Variants in AGO2 observed in about 807,000 individuals in gnomAD.
The protein encoded by AGO2 is argonaute RISC catalytic component 2, also known as protein argonaute-2.
AGO2 carries 5 observed loss-of-function variants against 102.3 expected under a neutral mutation model. The ratio of observed to expected loss-of-function variants is 0.05; its 90% confidence interval spans 0.03 to 0.10. The LOEUF is 0.10. Among genes scored for constraint, AGO2 ranks in the 10% least tolerant of loss-of-function variants. AGO2 has a pLI of 1.00. For synonymous variants in AGO2, 449 were observed against 473.1 expected (o/e 0.95, Z 0.66); for missense variants, 541 against 1,183.7 (o/e 0.46, Z 7.97).
At chr8:140,601,296 A>G (rs1221874701) in intron 1 of AGO2, among the ~76,000 whole-genome samples, 1 of 152,060 alleles carries the variant, frequency 6.6e-6, no homozygotes, top group Non-Finnish European at 1.5e-5. Flanking sequence ...TCTTTGTTCA[A>G]TGTCACCTCC....
upstream of AGO2, among the ~76,000 whole-genome samples, chr8:140,638,771 C>G (rs1433599359): frequency 1.3e-5 from 2 of 152,126 alleles, no homozygotes; most frequent in African/African-American, 4.8e-5. Context: ...AGACAGGTCT[C>G]ACTGTGTTGC....
rs1200113457 is a variant in AGO2 at position 140,525,440 on chromosome 8, C to CA, written c.*6603dup. ...AGGCAGTGGGACACCCACGGGGGCC[C>CA]AAGCCTCTTGAGGTCGGTCCGCACA... On this transcript the variant is annotated 3_prime_UTR_variant, in exon 19 of 19. Transcript: ENST00000220592. 1 of 152,310 alleles carries CA rather than the reference C, an allele frequency of 6.6e-6. No homozygotes were observed. The highest frequency in any genetic ancestry group is 1.5e-5 in the Non-Finnish European group (1 of 68,098). 9.4% of individuals were successfully genotyped at this position (152,310 alleles called of 1,614,324 possible).
intron 14 of AGO2, among the ~76,000 whole-genome samples, chr8:140,543,734 T>C (rs1438760245): frequency 2.0e-5 from 3 of 152,264 alleles, no homozygotes; most frequent in Non-Finnish European, 2.9e-5. Context: ...CATTTCCTAA[T>C]TCTCCCATGA....
intron 1 of AGO2, among the ~76,000 whole-genome samples, chr8:140,614,556 TCTC>T (rs940433495): frequency 2.6e-5 from 4 of 152,198 alleles, no homozygotes; most frequent in Admixed American, 6.5e-5. Context: ...TGCAAGCTAC[TCTC>T]CTCATGTCTT....
chr8:140,537,135 T>G (rs1378206338), intron 16 of AGO2, among the ~76,000 whole-genome samples: 1 of 152,148 alleles, frequency 6.6e-6, no homozygotes. Flanking sequence ...GATTTAAAAT[T>G]TAATTGTATA....
At chr8:140,594,634 T>A (rs539530514) in intron 1 of AGO2, among the ~76,000 whole-genome samples, 3 of 151,244 alleles carry the variant, frequency 2.0e-5, no homozygotes, top group South Asian at 2.1e-4. Context: ...CAAAAAAAAA[T>A]AAAAAATAAA....
chr8:140,627,881 G>T (rs1482564061), intron 1 of AGO2, among the ~76,000 whole-genome samples: 1 of 152,008 alleles, frequency 6.6e-6, no homozygotes, highest in East Asian at 1.9e-4. Flanking sequence ...CCCAACACGC[G>T]ATCTCCCACA....
intron 1 of AGO2, among the ~76,000 whole-genome samples, chr8:140,600,962 CTAA>C (rs1429043058): frequency 1.3e-5 from 2 of 152,000 alleles, no homozygotes; most frequent in Non-Finnish European, 2.9e-5. Context: ...CGAATTGTGT[CTAA>C]ATCTGTCCAC....
At chr8:140,560,240 G>A in intron 5 of AGO2, 134 bp downstream of exon 5, 2 of 1,331,762 alleles carry the variant, frequency 1.5e-6, no homozygotes, top group Non-Finnish European at 2.0e-6. Flanking sequence ...GACCAGCCAG[G>A]TGTCACGCAG....
Position 140,562,437 on chromosome 8 carries a change from CG to C in AGO2, c.518+15del. ...CAGGGGAGTCCCCCGCCCTTGGTCC[CG>C]TGTGGCGCCCTCACCTCATGGATGG... is the stretch of plus-strand genomic sequence containing the variant. On this transcript the variant is annotated intron_variant, in intron 4 of 18. Coordinates refer to ENST00000220592, the MANE Select transcript of AGO2 (RefSeq NM_012154.5). 6.2e-7 allele frequency: 1 copy of C among 1,602,610 alleles called. No individual in the cohort carries two copies. Among genetic ancestry groups the C allele is most frequent in the Non-Finnish European group, 8.5e-7 (1 of 1,172,790 alleles).
chr8:140,584,247 C>T (rs1449439390), intron 2 of AGO2, among the ~76,000 whole-genome samples: 1 of 151,892 alleles, frequency 6.6e-6, no homozygotes, highest in Non-Finnish European at 1.5e-5. Flanking sequence ...ATGCTCAGCT[C>T]ATCAGGTACC....
intron 2 of AGO2, 95 bp downstream of exon 2, chr8:140,585,024 A>G: frequency 2.3e-6 from 3 of 1,276,728 alleles, no homozygotes; most frequent in Non-Finnish European, 3.2e-6. Flanking sequence ...AAAAACCCAG[A>G]TGGATCTGCT....
intron 1 of AGO2, among the ~76,000 whole-genome samples, chr8:140,594,113 G>A (rs1243772238): frequency 6.6e-6 from 1 of 152,088 alleles, no homozygotes; most frequent in African/African-American, 2.4e-5. Flanking sequence ...CTGCTCTCAG[G>A]GCGCTCGTCT....
At chr8:140,586,860 G>T (rs573893757) in intron 1 of AGO2, among the ~76,000 whole-genome samples, 105 of 152,236 alleles carry the variant, frequency 6.9e-4, no homozygotes, top group African/African-American at 2.2e-3. Flanking sequence ...GGCCAATCTC[G>T]ATTTCAGGGT....
intron 1 of AGO2, among the ~76,000 whole-genome samples, chr8:140,631,205 C>T (rs11785001): frequency 0.69 from 104,190 of 151,946 alleles, 36,094 homozygotes; most frequent in Admixed American, 0.78. Context: ...AAAGAAAAAA[C>T]GGAGGGGGAG....
chr8:140,593,043 T>G (rs1171973080), intron 1 of AGO2: 2 of 152,284 alleles, frequency 1.3e-5, no homozygotes, highest in African/African-American at 4.8e-5. Context: ...ACCGCCCTGA[T>G]GAGGGTCCAT....
In AGO2 at chr8:140,531,898, C is replaced by T. The variant is rs780609199; in HGVS notation, c.*146G>A. ...CAAGTTTGAAATCTGGGACGGAAGG[C>T]ATTCTGGAAAACGGAGAATCTAATA... On this transcript the variant is annotated 3_prime_UTR_variant, in exon 19 of 19. Coordinates refer to ENST00000220592, the MANE Select transcript of AGO2 (RefSeq NM_012154.5). 1.3e-4 allele frequency: 88 copies of T among 699,540 alleles called. No homozygotes were observed. The highest frequency in any genetic ancestry group is 2.0e-4 in the Non-Finnish European group (84 of 412,744). 43.3% of individuals were successfully genotyped at this position (699,540 alleles called of 1,614,324 possible).
intron 1 of AGO2, among the ~76,000 whole-genome samples, chr8:140,587,930 A>G (rs893894002): frequency 3.3e-5 from 5 of 152,150 alleles, no homozygotes; most frequent in African/African-American, 1.2e-4. Flanking sequence ...TGCCTGTCCA[A>G]CAGCCGAGTC....
chr8:140,593,444 G>A (rs1453616991), intron 1 of AGO2, among the ~76,000 whole-genome samples: 3 of 151,022 alleles, frequency 2.0e-5, no homozygotes, highest in Non-Finnish European at 4.4e-5. Context: ...CACCCGCCTC[G>A]GCCTCCCAAA....
Sources: allele counts gnomAD v4.1 joint callset (sites outside exome capture counted in the v4.1 genomes callset), GRCh38; gene constraint gnomAD v4.1.1; transcripts MANE v1.5; gene names NCBI Gene and HGNC (gene_info 2026-07-23, HGNC 2026-07-21).